CLYBL: variants seen among roughly 807,000 people sequenced by gnomAD.
CLYBL encodes citramalyl-CoA lyase, mitochondrial.
A neutral mutation model predicts 38.9 loss-of-function variants in CLYBL; 31 were observed. The observed-to-expected ratio is 0.80, with a 90% CI of 0.60 to 1.08. The LOEUF (loss-of-function observed/expected upper bound fraction) is 1.08, where lower values mean the gene tolerates loss of function less well. Ranked by LOEUF, CLYBL falls within the 50% of genes least tolerant of loss-of-function variation. The pLI, the probability that CLYBL is intolerant of heterozygous loss-of-function variation, is 0.00. For synonymous variants in CLYBL, 171 were observed against 158.6 expected (o/e 1.08, Z -0.59); for missense variants, 434 against 411.6 (o/e 1.05, Z -0.47).
chr13:99,676,138 G>C (rs954175848), intron 1 of CLYBL, among the ~76,000 whole-genome samples: 1 of 151,684 alleles, frequency 6.6e-6, no homozygotes, highest in African/African-American at 2.4e-5. Flanking sequence ...TTACAGGCGT[G>C]AGCCACCACC....
At chr13:99,616,827 A>G (rs990224845) in intron 1 of CLYBL, among the ~76,000 whole-genome samples, 1 of 152,074 alleles carries the variant, frequency 6.6e-6, no homozygotes, top group Admixed American at 6.6e-5. Flanking sequence ...GTGGTTGCGC[A>G]TGCCTGTAGT....
chr13:99,877,496 A>G (rs118162575), intron 7 of CLYBL: 1 of 309,666 alleles, frequency 3.2e-6, no homozygotes, highest in East Asian at 1.2e-4. Context: ...CCTGTAGCTA[A>G]TTACATTAGA....
intron 1 of CLYBL, chr13:99,727,213 C>G (rs1186236671): frequency 2.6e-5 from 4 of 151,924 alleles, no homozygotes; most frequent in Non-Finnish European, 5.9e-5. Context: ...CTTGTTAGGC[C>G]TGGGGAATAG....
intron 1 of CLYBL, among the ~76,000 whole-genome samples, chr13:99,730,213 A>C (rs1003314943): frequency 5.3e-5 from 8 of 152,232 alleles, no homozygotes; most frequent in Non-Finnish European, 1.2e-4. Context: ...CCTCTTGGTT[A>C]GGCAGCTGAG....
intron 1 of CLYBL, among the ~76,000 whole-genome samples, chr13:99,698,987 C>G (rs1220154087): frequency 6.6e-6 from 1 of 152,184 alleles, no homozygotes; most frequent in Non-Finnish European, 1.5e-5. Flanking sequence ...ACGTGCCACT[C>G]AGAAACTAAC....
Position 99,655,719 on chromosome 13 carries a change from C to T in CLYBL, c.62+48962C>T, listed in dbSNP as rs1056556037. On this transcript the variant is annotated intron_variant, in intron 1 of 8. Coordinates refer to ENST00000339105, the MANE Select transcript of CLYBL (RefSeq NM_206808.5). ...TGTGGGACCTGGTGTCAGCTGATGACGTGGCCCTGTCTGGGTGCCCGTGAG... is the reference window on the plus strand; with the variant it reads ...TGTGGGACCTGGTGTCAGCTGATGATGTGGCCCTGTCTGGGTGCCCGTGAG... Among the ~76,000 whole-genome samples the T allele has an allele frequency of 2.3e-4, 35 of 152,288 alleles. 1 individual carries two copies. The highest frequency in any genetic ancestry group is 1.6e-3 in the Admixed American group (24 of 15,302).
chr13:99,869,828 A>AT lies in CLYBL; in HGVS notation c.803-1108dup, dbSNP rs746911288. ...AGCAAACTGATATACCAACAAATAT[A>AT]TTCAGCAGAGTAAATGATCATTAAG... On this transcript the variant is annotated intron_variant, in intron 6 of 8. Coordinates refer to ENST00000339105, the MANE Select transcript of CLYBL (RefSeq NM_206808.5). The surrounding 1 kb of genome is among the most constrained non-coding windows in gnomAD (Gnocchi z 4.3). Among the ~76,000 whole-genome samples the AT allele has an allele frequency of 1.3e-5, 2 of 152,258 alleles. No individual in the cohort carries two copies. The highest frequency in any genetic ancestry group is 1.5e-5 in the Non-Finnish European group (1 of 67,958).
chr13:99,817,667 A>AG (rs1566339317), intron 2 of CLYBL, among the ~76,000 whole-genome samples: 1 of 149,920 alleles, frequency 6.7e-6, no homozygotes, highest in Non-Finnish European at 1.5e-5. Flanking sequence ...AAAAAAAAAA[A>AG]AAAAAAGAAA....
intron 2 of CLYBL, 23 bp downstream of exon 2, chr13:99,773,033 A>C: frequency 6.3e-7 from 1 of 1,594,290 alleles, no homozygotes; most frequent in Non-Finnish European, 8.5e-7. Context: ...TTTTAGTATG[A>C]GAAAAAGAAA....
chr13:99,782,251 A>G (rs990133107), intron 2 of CLYBL, among the ~76,000 whole-genome samples: 7 of 152,164 alleles, frequency 4.6e-5, no homozygotes, highest in Non-Finnish European at 1.0e-4. Flanking sequence ...TCACACCTGT[A>G]ATGCCATTAC....
intron 1 of CLYBL, among the ~76,000 whole-genome samples, chr13:99,650,155 C>A (rs1418819533): frequency 6.6e-6 from 1 of 151,648 alleles, no homozygotes; most frequent in East Asian, 2.0e-4. Flanking sequence ...CCCAGCTACT[C>A]GGGAGGCTGA....
chr13:99,817,274 GGAGAGGAAAGGAGAC>G lies in CLYBL; in HGVS notation c.250-41579_250-41565del, dbSNP rs764227408. Among the ~76,000 whole-genome samples the G allele has an allele frequency of 1.9e-3, 286 of 152,250 alleles. 2 individuals are homozygous for G. Among genetic ancestry groups the G allele is most frequent in the South Asian group, 1.0e-2 (48 of 4,820 alleles). On this transcript the variant is annotated intron_variant, in intron 2 of 8. Coordinates refer to ENST00000339105, the MANE Select transcript of CLYBL (RefSeq NM_206808.5). ...AATGTGTGTATGAGAGAGAGAGAAAGGAGAGGAAAGGAGACGAGAGGAGAGGAGACGAAAGGAGAG... is the reference window on the plus strand; with the variant it reads ...AATGTGTGTATGAGAGAGAGAGAAAGGAGAGGAGAGGAGACGAAAGGAGAG...
intron 2 of CLYBL, among the ~76,000 whole-genome samples, chr13:99,775,309 C>T (rs148862816): frequency 2.4e-4 from 37 of 152,294 alleles, no homozygotes; most frequent in African/African-American, 8.9e-4. Flanking sequence ...CCATCCTTAT[C>T]TCCATAGTAG....
intron 2 of CLYBL, among the ~76,000 whole-genome samples, chr13:99,807,363 A>G (rs75176032): frequency 6.6e-6 from 1 of 152,210 alleles, no homozygotes; most frequent in Non-Finnish European, 1.5e-5. Flanking sequence ...TCAGTTATCC[A>G]TAAGGATTGA....
rs1754132949 is a variant in CLYBL at position 99,731,107 on chromosome 13, GGC to G, written c.63-41715_63-41714del. Among the ~76,000 whole-genome samples, 3 of 127,530 alleles carry G rather than the reference GGC, an allele frequency of 2.4e-5. 1 individual carries two copies. The South Asian group carries it at 7.9e-4, about 34-fold the overall frequency. 83.7% of individuals were successfully genotyped at this position (127,530 alleles called of 152,430 possible). ...CAAAAAAAAAAAAAAAAAAAAAAAA[GGC>G]GGGGGCTTGGAGAGGAGAGGAGGGG... On this transcript the variant is annotated intron_variant, in intron 1 of 8. Coordinates refer to ENST00000339105, the MANE Select transcript of CLYBL (RefSeq NM_206808.5).
intron 1 of CLYBL, among the ~76,000 whole-genome samples, chr13:99,675,679 A>T (rs1053630357): frequency 6.6e-6 from 1 of 152,246 alleles, no homozygotes; most frequent in Admixed American, 6.5e-5. Flanking sequence ...TTCAAGCTTC[A>T]TCCAAGCTGT....
At chr13:99,836,626 A>C (rs891241794) in intron 2 of CLYBL, among the ~76,000 whole-genome samples, 2 of 152,238 alleles carry the variant, frequency 1.3e-5, no homozygotes, top group African/African-American at 4.8e-5. Context: ...GGGATCTGTT[A>C]AAATACTTAT....
At chr13:99,795,446 G>A (rs1566330251) in intron 2 of CLYBL, among the ~76,000 whole-genome samples, 2 of 152,070 alleles carry the variant, frequency 1.3e-5, no homozygotes, top group Admixed American at 6.5e-5. Flanking sequence ...TTGAGGCCAG[G>A]AGTTCAAGAT....
At chr13:99,682,683 T>C (rs2047754167) in intron 1 of CLYBL, among the ~76,000 whole-genome samples, 1 of 152,154 alleles carries the variant, frequency 6.6e-6, no homozygotes, top group South Asian at 2.1e-4. Context: ...ACTACATTTA[T>C]TAAAAAAAAC....
Sources: gnomAD v4.1 joint callset for allele counts (sites outside exome capture counted in the v4.1 genomes callset) on GRCh38, gnomAD v4.1.1 for gene constraint, Gnocchi (gnomAD v3.1) non-coding constraint, MANE v1.5 for transcripts, NCBI Gene and HGNC (gene_info 2026-07-23, HGNC 2026-07-21) for gene names.